TG: variants seen among roughly 807,000 people sequenced by gnomAD.
The protein encoded by TG is thyroid hormones.
TG carries 270 observed loss-of-function variants against 324.7 expected under a neutral mutation model. That is an observed-to-expected ratio of 0.83 (90% CI 0.75 to 0.92). The LOEUF is 0.92. Ranked by LOEUF, TG falls within the 40% of genes least tolerant of loss-of-function variation. TG has a pLI of 0.00. For missense variants in TG, 3,591 were observed against 3,456.4 expected (o/e 1.04, Z -0.98); for synonymous variants, 1,401 against 1,327.0 (o/e 1.06, Z -1.21).
intron 41 of TG, among the ~76,000 whole-genome samples, chr8:133,068,566 C>T (rs890234475): frequency 6.6e-6 from 1 of 152,122 alleles, no homozygotes; most frequent in African/African-American, 2.4e-5. Context: ...TCATATGTGC[C>T]TTCCTGGGTG....
At chr8:133,011,316 A>C (rs747635356) in intron 35 of TG, among the ~76,000 whole-genome samples, 8 of 152,120 alleles carry the variant, frequency 5.3e-5, no homozygotes, top group Non-Finnish European at 1.0e-4. Flanking sequence ...TCTTAGATCA[A>C]AGACAATTCC....
chr8:133,076,706 C>A (rs929072486), intron 41 of TG: 13 of 137,854 alleles, frequency 9.4e-5, no homozygotes, highest in Admixed American at 7.7e-4. Flanking sequence ...CCTGTCATTT[C>A]TTTAGTAAAA....
intron 5 of TG, among the ~76,000 whole-genome samples, chr8:132,877,896 A>G (rs1466899615): frequency 6.6e-6 from 1 of 152,176 alleles, no homozygotes; most frequent in Non-Finnish European, 1.5e-5. Context: ...GTATTTTTCA[A>G]TTTTTAAATA....
chr8:133,083,922 A>C (rs1846115451), intron 41 of TG, among the ~76,000 whole-genome samples: 2 of 152,030 alleles, frequency 1.3e-5, no homozygotes, highest in Admixed American at 1.3e-4. Flanking sequence ...CTCTCTCTGC[A>C]TGGAGCCACC....
At chr8:133,064,355 G>T (rs935364664) in intron 41 of TG, among the ~76,000 whole-genome samples, 1 of 152,234 alleles carries the variant, frequency 6.6e-6, no homozygotes, top group African/African-American at 2.4e-5. Context: ...TGTGCTACAG[G>T]ATCAAGGGAA....
chr8:132,972,519 A>G, intron 33 of TG, 79 bp from the exon 34 acceptor site: 5 of 1,534,452 alleles, frequency 3.3e-6, no homozygotes, highest in Non-Finnish European at 4.5e-6. Flanking sequence ...TACTTGCAGA[A>G]TTTTTCTCAT....
At chr8:133,049,343 A>G (rs1305360826) in intron 41 of TG, 3 of 336,618 alleles carry the variant, frequency 8.9e-6, no homozygotes, top group Non-Finnish European at 1.8e-5. Context: ...GAATAGAGCT[A>G]ATATTTATCG....
chr8:133,079,154 T>C (rs1337528236), intron 41 of TG, among the ~76,000 whole-genome samples: 2 of 152,194 alleles, frequency 1.3e-5, no homozygotes, highest in Non-Finnish European at 2.9e-5. Context: ...AGTGTAAGCA[T>C]GGAGTCAGGC....
intron 35 of TG, among the ~76,000 whole-genome samples, chr8:132,993,731 T>G (rs1832608736): frequency 6.6e-6 from 1 of 152,150 alleles, no homozygotes; most frequent in African/African-American, 2.4e-5. Flanking sequence ...ATGGGGAAAA[T>G]ATATGGATTT....
intron 13 of TG, 77 bp downstream of exon 13, chr8:132,898,323 A>C: frequency 7.3e-7 from 1 of 1,362,576 alleles, no homozygotes; most frequent in South Asian, 1.2e-5. Flanking sequence ...TGGTTGCCTA[A>C]CCGCTGGAGA....
chr8:132,893,454 A>G (rs796081066), intron 10 of TG, among the ~76,000 whole-genome samples: 7 of 51,908 alleles, frequency 1.3e-4, no homozygotes, highest in Admixed American at 3.0e-4. Context: ...GTATGTGTGT[A>G]GTATGGGGGG....
At chr8:132,911,136 C>G (rs1036311003) in intron 18 of TG, among the ~76,000 whole-genome samples, 1 of 152,130 alleles carries the variant, frequency 6.6e-6, no homozygotes, top group African/African-American at 2.4e-5. Flanking sequence ...ATGCATGGAG[C>G]CTAGCTCTTC....
intron 34 of TG, among the ~76,000 whole-genome samples, chr8:132,974,629 G>C (rs1829972528): frequency 6.6e-6 from 1 of 152,180 alleles, no homozygotes; most frequent in Admixed American, 6.5e-5. Flanking sequence ...TGACTAGACA[G>C]GAAAATGTCT....
In TG at chr8:132,971,891, T is replaced by G; in HGVS notation, c.6055+18T>G. The stretch of plus-strand genomic sequence containing the variant: ...GTTAAAAGGTAATAATGGTAACAAC[T>G]TCCTCTCCCCTGCGCACAGTACTCT... On this transcript the variant is annotated intron_variant, in intron 33 of 47. Coordinates refer to ENST00000220616, the MANE Select transcript of TG (RefSeq NM_003235.5). 6.5e-7 allele frequency: 1 copy of G among 1,549,006 alleles called. No individual in the cohort carries two copies. The highest frequency in any genetic ancestry group is 8.9e-7 in the Non-Finnish European group (1 of 1,120,754).
At chr8:132,978,057 C>T (rs970617707) in intron 34 of TG, among the ~76,000 whole-genome samples, 1 of 152,138 alleles carries the variant, frequency 6.6e-6, no homozygotes, top group Non-Finnish European at 1.5e-5. Context: ...AAAGGAGTAT[C>T]CAAGACTGGG....
In TG at chr8:132,906,757, C is replaced by G. The variant is rs369296999; in HGVS notation, c.3704C>G (p.Ser1235Trp). ...GGAACAATCCTGTGTGAGACAATCT[C>G]GGGCCCCACAGGCTCTGCCATGCAG... ...VGGTILCETI[S>W]GPTGSAMQQC... The change falls in exon 17 of 48, where the codon TCG (serine) becomes TGG (tryptophan). Residue 1235 changes from serine to tryptophan, a missense_variant. By Grantham distance (177) the Ser-to-Trp change is radical. Coordinates refer to ENST00000220616, the MANE Select transcript of TG (RefSeq NM_003235.5). The G allele has an allele frequency of 6.2e-7, 1 of 1,614,226 alleles. No individual in the cohort carries two copies. Among genetic ancestry groups the G allele is most frequent in the Non-Finnish European group, 8.5e-7 (1 of 1,180,050 alleles).
intron 43 of TG, among the ~76,000 whole-genome samples, chr8:133,111,654 A>G (rs991973713): frequency 6.6e-6 from 1 of 152,168 alleles, no homozygotes; most frequent in African/African-American, 2.4e-5. Flanking sequence ...GAGTGTGAAC[A>G]TTATTCGTGA....
intron 3 of TG, among the ~76,000 whole-genome samples, chr8:132,871,037 C>G (rs1014776028): frequency 2.0e-5 from 3 of 152,156 alleles, no homozygotes; most frequent in Non-Finnish European, 1.5e-5. Flanking sequence ...ACAGAGAGCC[C>G]GTGGAGAAAA....
At chr8:133,045,727 T>G (rs890587335) in intron 41 of TG, among the ~76,000 whole-genome samples, 1 of 152,140 alleles carries the variant, frequency 6.6e-6, no homozygotes, top group Admixed American at 6.5e-5. Context: ...CAAACACATT[T>G]GGGGTGCTTC....
Sources: allele counts gnomAD v4.1 joint callset (sites outside exome capture counted in the v4.1 genomes callset), GRCh38; gene constraint gnomAD v4.1.1; transcripts MANE v1.5; gene names NCBI Gene and HGNC (gene_info 2026-07-23, HGNC 2026-07-21).